MCPH1: variants seen among roughly 807,000 people sequenced by gnomAD.
The protein encoded by MCPH1 is microcephalin.
A neutral mutation model predicts 84.5 loss-of-function variants in MCPH1; 104 were observed. The observed-to-expected ratio is 1.23, with a 90% CI of 1.05 to 1.45. The LOEUF is 1.45. MCPH1 is among the 40% of genes most tolerant of loss of function. The probability of loss-of-function intolerance (pLI) is 0.00; values close to 1 mark genes in which losing one functional copy is unlikely to be tolerated. For synonymous variants in MCPH1, 514 were observed against 366.8 expected, an observed-to-expected ratio of 1.40 and a Z score of -4.58; for missense variants, 1,498 against 1,005.7, an observed-to-expected ratio of 1.49 and a Z score of -6.62.
chr8:6,586,215 C>T (rs2442582), intron 12 of MCPH1, among the ~76,000 whole-genome samples: 27,389 of 152,130 alleles, frequency 0.18, 3,120 homozygotes, highest in Non-Finnish European at 0.25. Flanking sequence ...CCTGCCTCAG[C>T]CTCCCGGAGT....
At chr8:6,563,227 C>A (rs1563133553) in intron 12 of MCPH1, 4 of 249,328 alleles carry the variant, frequency 1.6e-5, no homozygotes, top group Non-Finnish European at 3.2e-5. Flanking sequence ...CCTCTCTCCC[C>A]AGATCCTACA....
Position 6,527,472 on chromosome 8 carries a change from C to G in MCPH1, c.2214+27543C>G, listed in dbSNP as rs181410694. ...ACTAGACATGAAGAAACTCACCATT[C>G]TGATAATTCATCATTTGAGACCGAC... On this transcript the variant is annotated intron_variant, in intron 12 of 13. Coordinates refer to ENST00000344683, the MANE Select transcript of MCPH1 (RefSeq NM_024596.5). 70 of 1,511,236 alleles carry G rather than the reference C, an allele frequency of 4.6e-5. No homozygotes were observed. The East Asian group carries it at 1.6e-3, about 35-fold the overall frequency. 93.6% of individuals were successfully genotyped at this position (1,511,236 alleles called of 1,614,324 possible). A position where few individuals can be genotyped will look rare whatever the true frequency, so the allele number is the denominator to read the frequency against.
intron 12 of MCPH1, among the ~76,000 whole-genome samples, chr8:6,609,416 G>A (rs191325188): frequency 1.4e-4 from 22 of 152,286 alleles, no homozygotes; most frequent in Non-Finnish European, 1.2e-4. Flanking sequence ...GTTATTTGTG[G>A]ATTCCCAAGA....
At chr8:6,571,153 A>G (rs1357093394) in intron 12 of MCPH1, among the ~76,000 whole-genome samples, 1 of 152,206 alleles carries the variant, frequency 6.6e-6, no homozygotes, top group African/African-American at 2.4e-5. Context: ...TAGAAGTCAC[A>G]ACATTAAAAG....
intron 12 of MCPH1, among the ~76,000 whole-genome samples, chr8:6,605,916 C>T (rs959064936): frequency 6.6e-6 from 1 of 152,086 alleles, no homozygotes; most frequent in African/African-American, 2.4e-5. Flanking sequence ...AGGCTGGTCT[C>T]GAATGCCTGA....
intron 11 of MCPH1, among the ~76,000 whole-genome samples, chr8:6,499,317 C>G (rs1430135392): frequency 6.6e-6 from 1 of 152,002 alleles, no homozygotes; most frequent in Admixed American, 6.5e-5. Flanking sequence ...ACGATGAAAG[C>G]TTGTTTATGG....
At chr8:6,639,847 T>G (rs1797811363) in intron 13 of MCPH1, among the ~76,000 whole-genome samples, 1 of 152,108 alleles carries the variant, frequency 6.6e-6, no homozygotes, top group Non-Finnish European at 1.5e-5. Flanking sequence ...TTTTAACCAT[T>G]GGGAGGTACT....
At chr8:6,612,113 G>A (rs1268359180) in intron 12 of MCPH1, among the ~76,000 whole-genome samples, 1 of 152,126 alleles carries the variant, frequency 6.6e-6, no homozygotes, top group Non-Finnish European at 1.5e-5. Flanking sequence ...GGTTGGAAAG[G>A]GCTTGTGATA....
intron 12 of MCPH1, among the ~76,000 whole-genome samples, chr8:6,544,723 A>G (rs1019606372): frequency 6.6e-6 from 1 of 152,250 alleles, no homozygotes; most frequent in Non-Finnish European, 1.5e-5. Context: ...GAAGGAATTC[A>G]TTAAGATAAA....
At chr8:6,530,477 C>T (rs1442635594) in intron 12 of MCPH1, among the ~76,000 whole-genome samples, 1 of 146,582 alleles carries the variant, frequency 6.8e-6, no homozygotes, top group Non-Finnish European at 1.5e-5. Flanking sequence ...CCACTGCACT[C>T]CAACCTGGGC....
At chr8:6,488,412 A>T (rs1393529451) in intron 11 of MCPH1, among the ~76,000 whole-genome samples, 1 of 152,222 alleles carries the variant, frequency 6.6e-6, no homozygotes, top group Non-Finnish European at 1.5e-5. Context: ...GCTAAGAATG[A>T]CTGATGTTAA....
chr8:6,538,419 T>C (rs914093281), intron 12 of MCPH1, among the ~76,000 whole-genome samples: 29 of 152,212 alleles, frequency 1.9e-4, no homozygotes, highest in African/African-American at 6.8e-4. Flanking sequence ...CATGCAAAGC[T>C]GGTGACCGCA....
At chr8:6,523,143 G>A (rs1220113787) in intron 12 of MCPH1, among the ~76,000 whole-genome samples, 5 of 151,918 alleles carry the variant, frequency 3.3e-5, no homozygotes, top group African/African-American at 9.7e-5. Context: ...GACTACAGGC[G>A]CATGTCACCA....
chr8:6,518,242 A>C (rs75409835), intron 12 of MCPH1, among the ~76,000 whole-genome samples: 1 of 152,060 alleles, frequency 6.6e-6, no homozygotes, highest in Non-Finnish European at 1.5e-5. Flanking sequence ...CCCTCTTGAC[A>C]CTCCTGTCCC....
chr8:6,446,723 T>G, intron 8 of MCPH1: 1 of 985,310 alleles, frequency 1.0e-6, no homozygotes, highest in Non-Finnish European at 1.2e-6. Flanking sequence ...AGTTTTCACC[T>G]TGTGTATTTT....
chr8:6,631,276 G>A (rs1478845503), intron 13 of MCPH1, among the ~76,000 whole-genome samples: 1 of 152,060 alleles, frequency 6.6e-6, no homozygotes, highest in Non-Finnish European at 1.5e-5. Flanking sequence ...GAAAGAGGTG[G>A]GCACAGCTCA....
At chr8:6,443,433 T>C (rs965116731) in intron 7 of MCPH1, among the ~76,000 whole-genome samples, 25 of 148,528 alleles carry the variant, frequency 1.7e-4, no homozygotes, top group African/African-American at 6.6e-4. Flanking sequence ...GGTGGTTACC[T>C]GTGTTCTTCC....
intron 12 of MCPH1, among the ~76,000 whole-genome samples, chr8:6,529,729 T>C (rs1379914773): frequency 1.3e-5 from 2 of 150,374 alleles, no homozygotes; most frequent in Non-Finnish European, 2.9e-5. Flanking sequence ...CCTCTCAAAG[T>C]GCTAGGATTA....
At chr8:6,530,069 A>G (rs1016297865) in intron 12 of MCPH1, among the ~76,000 whole-genome samples, 1 of 152,138 alleles carries the variant, frequency 6.6e-6, no homozygotes, top group African/African-American at 2.4e-5. Context: ...ATTTTAAAAT[A>G]TAAGAAATGT....
Sources: allele counts gnomAD v4.1 joint callset (sites outside exome capture counted in the v4.1 genomes callset), GRCh38; gene constraint gnomAD v4.1.1; transcripts MANE v1.5; gene names NCBI Gene and HGNC (gene_info 2026-07-23, HGNC 2026-07-21).